The following CAB39 variants were observed in gnomAD, a reference collection of about 807,000 sequenced individuals.
CAB39 encodes the protein calcium-binding protein 39.
CAB39 carries 8 observed loss-of-function variants against 40.0 expected under a neutral mutation model. The observed-to-expected ratio is 0.20, with a 90% CI of 0.12 to 0.36. The LOEUF is 0.36. Ranked by LOEUF, CAB39 falls within the 10% of genes least tolerant of loss-of-function variation. CAB39 has a pLI of 1.00. For missense variants in CAB39, 270 were observed against 401.1 expected, an observed-to-expected ratio of 0.67 and a Z score of 2.79; for synonymous variants, 156 against 141.6, an observed-to-expected ratio of 1.10 and a Z score of -0.72.
At chr2:230,818,262 T>C in intron 8 of CAB39, 1 of 465,506 alleles carries the variant, frequency 2.1e-6, no homozygotes, top group Non-Finnish European at 3.8e-6. Context: ...AAAATCAAAG[T>C]CTGTATTTAA....
intron 1 of CAB39, among the ~76,000 whole-genome samples, chr2:230,717,199 AAAT>A (rs1315153289): frequency 6.6e-6 from 1 of 152,146 alleles, no homozygotes; most frequent in African/African-American, 2.4e-5. Flanking sequence ...TGTGGGGAAA[AAAT>A]ATCAAATCTG....
At chr2:230,800,044 C>T (rs61539946) in intron 5 of CAB39, among the ~76,000 whole-genome samples, 6,524 of 151,582 alleles carry the variant, frequency 0.043, 480 homozygotes, top group African/African-American at 0.15. Context: ...AAAGAAAATA[C>T]ATATATACAC....
At chr2:230,754,358 CTT>C in intron 1 of CAB39, among the ~76,000 whole-genome samples, 3 of 146,566 alleles carry the variant, frequency 2.0e-5, no homozygotes, top group African/African-American at 7.8e-5. Context: ...CCTTCCTCTT[CTT>C]CCGTCCCCTT....
chr2:230,742,843 C>G (rs978130197), intron 1 of CAB39, among the ~76,000 whole-genome samples: 1 of 149,452 alleles, frequency 6.7e-6, no homozygotes, highest in African/African-American at 2.4e-5. Flanking sequence ...TGTTGATTAG[C>G]TGGCAAAGAA....
At chr2:230,715,397 G>A (rs1694330242) in intron 1 of CAB39, among the ~76,000 whole-genome samples, 1 of 152,194 alleles carries the variant, frequency 6.6e-6, no homozygotes, top group Non-Finnish European at 1.5e-5. Flanking sequence ...GGCAGGATGT[G>A]TGTTGTCATG....
intron 2 of CAB39, among the ~76,000 whole-genome samples, chr2:230,783,354 G>T (rs1039041553): frequency 6.6e-6 from 1 of 152,134 alleles, no homozygotes; most frequent in Admixed American, 6.6e-5. Flanking sequence ...TCTTTAGCTG[G>T]CTCCCTTCCT....
intron 2 of CAB39, among the ~76,000 whole-genome samples, chr2:230,762,975 T>C (rs1010932134): frequency 2.0e-5 from 3 of 152,204 alleles, no homozygotes; most frequent in Non-Finnish European, 4.4e-5. Context: ...TTTTATACTC[T>C]TAAATTATTG....
intron 5 of CAB39, among the ~76,000 whole-genome samples, chr2:230,807,361 T>C (rs1191708414): frequency 6.6e-6 from 1 of 152,090 alleles, no homozygotes; most frequent in African/African-American, 2.4e-5. Context: ...ATTCACCTTT[T>C]TCTCTGAGCT....
At chr2:230,743,139 T>C (rs1694913078) in intron 1 of CAB39, among the ~76,000 whole-genome samples, 1 of 152,226 alleles carries the variant, frequency 6.6e-6, no homozygotes, top group African/African-American at 2.4e-5. Context: ...ATGAGGAAAC[T>C]GGCATTAAAG....
chr2:230,753,533 T>A (rs1441774934), intron 1 of CAB39, among the ~76,000 whole-genome samples: 2 of 152,080 alleles, frequency 1.3e-5, no homozygotes, highest in South Asian at 4.1e-4. Flanking sequence ...GGTGGGTAGA[T>A]CACGAGGTCA....
At chr2:230,757,569 G>A (rs79906849) in intron 1 of CAB39, among the ~76,000 whole-genome samples, 1,668 of 152,124 alleles carry the variant, frequency 0.011, 32 homozygotes, top group East Asian at 0.059. Flanking sequence ...CCAACTTTTG[G>A]TATGTGGTAG....
chr2:230,801,804 G>A (rs1696094733), intron 5 of CAB39, among the ~76,000 whole-genome samples: 1 of 151,854 alleles, frequency 6.6e-6, no homozygotes, highest in Non-Finnish European at 1.5e-5. Flanking sequence ...GGGAGGCAGA[G>A]GTTGCAGTGA....
chr2:230,778,676 G>C (rs1575940472), intron 2 of CAB39, among the ~76,000 whole-genome samples: 1 of 152,132 alleles, frequency 6.6e-6, no homozygotes, highest in East Asian at 1.9e-4. Flanking sequence ...TACTTGAAGA[G>C]GTTATTATGG....
Position 230,818,510 on chromosome 2 carries a change from A to T in CAB39, c.838-6A>T, listed in dbSNP as rs1404013788. The T allele has an allele frequency of 6.2e-7, 1 of 1,612,866 alleles. No homozygotes were observed. Among genetic ancestry groups the T allele is most frequent in the Admixed American group, 1.7e-5 (1 of 59,900 alleles). ...CTGTGCCTCATGTGCGTTTCTCTCC[A>T]CGCAGGTGTTTGTAGCCAATCCTAA... On this transcript the variant is annotated splice_polypyrimidine_tract_variant and splice_region_variant and intron_variant, in intron 8 of 8. Transcript: ENST00000258418.
At chr2:230,773,312 A>T (rs62193635) in intron 2 of CAB39, among the ~76,000 whole-genome samples, 1 of 85,108 alleles carries the variant, frequency 1.2e-5, no homozygotes, top group Non-Finnish European at 2.3e-5. Context: ...ATATATATAT[A>T]TATGTGTGTG....
rs141306550 is a variant in CAB39 at position 230,743,026 on chromosome 2, G to A, written c.-43-16933G>A. Among the ~76,000 whole-genome samples the A allele has an allele frequency of 2.2e-4, 34 of 152,310 alleles. No individual in the cohort carries two copies. The East Asian group carries it at 5.0e-3, about 22-fold the overall frequency. ...GGTATACATAACTGCACAGAACATC[G>A]TGTGGTCTCTTTGTGGCCGGGTCAG... On this transcript the variant is annotated intron_variant, in intron 1 of 8. Coordinates refer to ENST00000258418, the MANE Select transcript of CAB39 (RefSeq NM_016289.4).
intron 6 of CAB39, among the ~76,000 whole-genome samples, chr2:230,810,846 G>T (rs953712494): frequency 1.3e-5 from 2 of 152,188 alleles, no homozygotes; most frequent in Non-Finnish European, 2.9e-5. Context: ...CTAGCTTGTC[G>T]GTAAGGTCCC....
intron 1 of CAB39, chr2:230,725,456 C>T: frequency 1.4e-6 from 2 of 1,428,114 alleles, no homozygotes. Flanking sequence ...CCTCCCGCCA[C>T]CCGGCCACTC....
chr2:230,730,333 A>T (rs1443112619), intron 1 of CAB39, among the ~76,000 whole-genome samples: 1 of 152,166 alleles, frequency 6.6e-6, no homozygotes, highest in Admixed American at 6.6e-5. Flanking sequence ...AAATATTTTT[A>T]AATGATTGGT....
Sources: allele counts gnomAD v4.1 joint callset (sites outside exome capture counted in the v4.1 genomes callset), GRCh38; gene constraint gnomAD v4.1.1; transcripts MANE v1.5; gene names NCBI Gene and HGNC (gene_info 2026-07-23, HGNC 2026-07-21).